The following PRKCB variants were observed in gnomAD, a reference collection of about 807,000 sequenced individuals.
The protein encoded by PRKCB is protein kinase C beta type.
In PRKCB, 13 loss-of-function variants were observed where a neutral mutation model predicts 81.5. That is an observed-to-expected ratio of 0.16 (90% CI 0.10 to 0.25). The LOEUF (loss-of-function observed/expected upper bound fraction) is 0.25. Ranked by LOEUF, PRKCB falls within the 10% of genes least tolerant of loss-of-function variation. PRKCB has a pLI of 1.00. For missense variants in PRKCB, 509 were observed against 875.7 expected, an observed-to-expected ratio of 0.58 and a Z score of 5.29; for synonymous variants, 335 against 321.4, an observed-to-expected ratio of 1.04 and a Z score of -0.45.
chr16:24,174,700 T>G, intron 12 of PRKCB, 120 bp downstream of exon 12: 2 of 946,956 alleles, frequency 2.1e-6, no homozygotes, highest in Non-Finnish European at 3.3e-6. Context: ...CCTCCAGAAC[T>G]AACTTGGGCA....
chr16:24,108,815 T>C (rs1250289152), intron 7 of PRKCB, among the ~76,000 whole-genome samples: 10 of 151,894 alleles, frequency 6.6e-5, no homozygotes, highest in Admixed American at 1.3e-4. Context: ...CCTGCCTTTC[T>C]ATTCCACAAA....
At chr16:24,038,112 G>A (rs1965646294) in intron 5 of PRKCB, among the ~76,000 whole-genome samples, 1 of 152,110 alleles carries the variant, frequency 6.6e-6, no homozygotes, top group African/African-American at 2.4e-5. Flanking sequence ...AGCCTGGGAG[G>A]TGGAGGTTGC....
intron 9 of PRKCB, among the ~76,000 whole-genome samples, chr16:24,142,652 G>A (rs1966918395): frequency 6.6e-6 from 1 of 152,246 alleles, no homozygotes; most frequent in South Asian, 2.1e-4. Flanking sequence ...GCAGCAGGGA[G>A]AAGCAGCAGC....
intron 11 of PRKCB, among the ~76,000 whole-genome samples, chr16:24,173,089 T>G (rs1435959048): frequency 6.6e-6 from 1 of 152,054 alleles, no homozygotes; most frequent in Non-Finnish European, 1.5e-5. Context: ...TTCTTTATCT[T>G]ACACCACTCT....
At chr16:23,845,474 A>T (rs1962351943) in intron 2 of PRKCB, among the ~76,000 whole-genome samples, 1 of 152,114 alleles carries the variant, frequency 6.6e-6, no homozygotes, top group African/African-American at 2.4e-5. Context: ...AAAACTGCCC[A>T]TATCCTGGAT....
Position 24,125,320 on chromosome 16 carries a change from C to G in PRKCB, c.1065+1339C>G, listed in dbSNP as rs1966841381. Among the ~76,000 whole-genome samples the G allele has an allele frequency of 7.2e-5, 4 of 55,356 alleles. No homozygotes were observed. In the South Asian group the frequency reaches 2.1e-3, roughly 29 times the overall value. 36.3% of individuals were successfully genotyped at this position (55,356 alleles called of 152,430 possible). ...TTGTATCACCCTTTATCATCTGGCCCTTGTTCTCTGTGTGACTTCCTTTCT... is the reference window on the plus strand; with the variant it reads ...TTGTATCACCCTTTATCATCTGGCCGTTGTTCTCTGTGTGACTTCCTTTCT... On this transcript the variant is annotated intron_variant, in intron 9 of 16. Transcript: ENST00000643927.
chr16:23,995,537 T>A (rs991574009), intron 3 of PRKCB, among the ~76,000 whole-genome samples: 12 of 152,198 alleles, frequency 7.9e-5, no homozygotes, highest in African/African-American at 2.7e-4. Context: ...CGGGCCTTCG[T>A]GGAAACTGAC....
intron 2 of PRKCB, among the ~76,000 whole-genome samples, chr16:23,956,055 G>A (rs1964345550): frequency 6.6e-6 from 1 of 152,130 alleles, no homozygotes; most frequent in African/African-American, 2.4e-5. Context: ...GTATTATCCT[G>A]TGAAATTTTT....
intron 5 of PRKCB, among the ~76,000 whole-genome samples, chr16:24,075,653 T>A (rs961409444): frequency 6.6e-6 from 1 of 152,238 alleles, no homozygotes; most frequent in Non-Finnish European, 1.5e-5. Context: ...AGAAATCCTA[T>A]CTGTAGGAAC....
chr16:24,032,873 C>T (rs184539748), intron 4 of PRKCB, among the ~76,000 whole-genome samples: 205 of 152,356 alleles, frequency 1.3e-3, no homozygotes, highest in African/African-American at 4.7e-3. Context: ...ATGAACAAAT[C>T]ATGGGCATTT....
intron 5 of PRKCB, among the ~76,000 whole-genome samples, chr16:24,058,172 G>T (rs1965928333): frequency 6.6e-6 from 1 of 152,030 alleles, no homozygotes; most frequent in South Asian, 2.1e-4. Flanking sequence ...GTAGCCTTCA[G>T]TCATCACTAA....
intron 8 of PRKCB, among the ~76,000 whole-genome samples, chr16:24,118,572 C>T (rs1966762107): frequency 6.6e-6 from 1 of 152,174 alleles, no homozygotes. Context: ...GACAGGCATT[C>T]ATCATCGGGA....
chr16:23,859,714 A>T (rs917806283), intron 2 of PRKCB, among the ~76,000 whole-genome samples: 1 of 152,096 alleles, frequency 6.6e-6, no homozygotes. Flanking sequence ...TGGCAGGAAG[A>T]AGTAGTTGAA....
chr16:23,954,019 C>T (rs1351757976), intron 2 of PRKCB, among the ~76,000 whole-genome samples: 4 of 152,026 alleles, frequency 2.6e-5, no homozygotes, highest in Non-Finnish European at 1.5e-5. Flanking sequence ...CAGGCACCCA[C>T]CACCATGCCC....
intron 2 of PRKCB, among the ~76,000 whole-genome samples, chr16:23,952,869 G>A (rs977270152): frequency 6.6e-6 from 1 of 152,224 alleles, no homozygotes; most frequent in African/African-American, 2.4e-5. Context: ...TGGCTCAGGA[G>A]CTATGGGAGT....
intron 10 of PRKCB, 91 bp downstream of exon 10, chr16:24,154,948 C>A (rs1967135349): frequency 1.4e-6 from 2 of 1,387,842 alleles, no homozygotes; most frequent in Admixed American, 2.3e-5. Context: ...CACAGAGATA[C>A]CTGCACCCTT....
At chr16:24,143,906 C>T (rs974685093) in intron 9 of PRKCB, among the ~76,000 whole-genome samples, 7 of 152,176 alleles carry the variant, frequency 4.6e-5, no homozygotes, top group African/African-American at 1.7e-4. Context: ...CTTGCCTCCT[C>T]CTCCTCCTTT....
intron 2 of PRKCB, among the ~76,000 whole-genome samples, chr16:23,909,362 G>A (rs1302524248): frequency 1.3e-5 from 2 of 152,170 alleles, no homozygotes; most frequent in Non-Finnish European, 2.9e-5. Context: ...GGAGCTGGAG[G>A]TCTGAGGTTC....
chr16:23,870,781 CT>C (rs1431202808), intron 2 of PRKCB, among the ~76,000 whole-genome samples: 5 of 152,174 alleles, frequency 3.3e-5, no homozygotes, highest in Admixed American at 3.3e-4. Flanking sequence ...TATGAATTTG[CT>C]TCTTCTTTAT....
Sources: allele counts gnomAD v4.1 joint callset (sites outside exome capture counted in the v4.1 genomes callset), GRCh38; gene constraint gnomAD v4.1.1; transcripts MANE v1.5; gene names NCBI Gene and HGNC (gene_info 2026-07-23, HGNC 2026-07-21).